The following VPS13C variants were observed in gnomAD, a reference collection of about 807,000 sequenced individuals.
The protein encoded by VPS13C is vacuolar protein sorting 13 homolog C, also known as intermembrane lipid transfer protein VPS13C.
VPS13C carries 358 observed loss-of-function variants against 456.8 expected under a neutral mutation model. That is an observed-to-expected ratio of 0.78 (90% CI 0.72 to 0.86). The LOEUF (loss-of-function observed/expected upper bound fraction) is 0.86. Among genes scored for constraint, VPS13C ranks in the 40% least tolerant of loss-of-function variants. VPS13C has a pLI of 0.00. For synonymous variants in VPS13C, 1,578 were observed against 1,486.7 expected (o/e 1.06, Z -1.41); for missense variants, 4,818 against 4,385.4 (o/e 1.10, Z -2.79).
chr15:62,053,279 A>G (rs774610942), intron 1 of VPS13C, among the ~76,000 whole-genome samples: 2 of 152,214 alleles, frequency 1.3e-5, no homozygotes, highest in Non-Finnish European at 1.5e-5. Context: ...AGATACTGAC[A>G]TCTTTTATGT....
At position 61,880,619 on chromosome 15, in the gene VPS13C, G is replaced by A. The variant is rs1450275158; in HGVS notation, c.9992C>T (p.Ser3331Phe). 2 of 1,565,950 alleles carry A rather than the reference G, an allele frequency of 1.3e-6. No individual in the cohort carries two copies. The highest frequency in any genetic ancestry group is 1.7e-6 in the Non-Finnish European group (2 of 1,156,502). Residue 3331 changes from serine to phenylalanine, a missense_variant, in exon 73 of 85, where the codon TCT (serine) becomes TTT (phenylalanine). Physicochemically the swap from Ser to Phe is radical, Grantham distance 155. This residue lies in a region of VPS13C where 4,552 missense variants were observed against 4,130.6 expected (regional missense o/e 1.10). Coordinates refer to ENST00000644861, the MANE Select transcript of VPS13C (RefSeq NM_020821.3). ...ATAATTACAACAAACCTTCACAGGA[G>A]AAATATGGAAATGTTCAAAGAAACT... is the stretch of plus-strand genomic sequence containing the variant. ...ILSFFEHFHI[S>F]PVKLHLSLSL...
chr15:61,891,640 T>G (rs2042654198), intron 66 of VPS13C, among the ~76,000 whole-genome samples: 1 of 152,222 alleles, frequency 6.6e-6, no homozygotes, highest in Admixed American at 6.5e-5. Context: ...TTCTAGCATT[T>G]TAAGTTTTAT....
intron 82 of VPS13C, among the ~76,000 whole-genome samples, chr15:61,857,870 C>T (rs1328664352): frequency 2.0e-5 from 3 of 152,204 alleles, no homozygotes; most frequent in Admixed American, 1.3e-4. Flanking sequence ...AAATAGATCC[C>T]TGGCATTATA....
chr15:61,975,113 C>A (rs368105943), intron 24 of VPS13C, among the ~76,000 whole-genome samples: 38 of 152,138 alleles, frequency 2.5e-4, no homozygotes, highest in African/African-American at 8.9e-4. Flanking sequence ...GGATGCCACA[C>A]TGGGGTACAG....
intron 50 of VPS13C, 58 bp from the exon 51 acceptor site, chr15:61,929,806 A>G: frequency 1.4e-6 from 2 of 1,471,766 alleles, no homozygotes; most frequent in Non-Finnish European, 1.8e-6. Context: ...AAAAAGATGA[A>G]GAATTTCCTA....
rs190018172 is a variant in VPS13C, at chr15:62,050,742, C to T, written c.101-6487G>A. Among the ~76,000 whole-genome samples, 3 of 148,100 alleles carry T rather than the reference C, an allele frequency of 2.0e-5. No individual in the cohort carries two copies. The East Asian group carries it at 6.0e-4, about 30-fold the overall frequency. On this transcript the variant is annotated intron_variant, in intron 1 of 84. Transcript: ENST00000644861. Reference sequence around the variant, plus strand: ...ACTCGAACCAGAAGGGCAGAGGTTGCAGTGAGCCAGGATCATGCCACTGCA... The same window carrying T: ...ACTCGAACCAGAAGGGCAGAGGTTGTAGTGAGCCAGGATCATGCCACTGCA...
At chr15:61,942,796 A>G (rs1037157009) in intron 45 of VPS13C, among the ~76,000 whole-genome samples, 1 of 152,114 alleles carries the variant, frequency 6.6e-6, no homozygotes, top group Non-Finnish European at 1.5e-5. Flanking sequence ...TGCTCTCTAG[A>G]AAAGTAAACA....
chr15:62,060,127 G>A (rs537121152), intron 1 of VPS13C, 148 bp downstream of exon 1: 22 of 409,254 alleles, frequency 5.4e-5, no homozygotes, highest in African/African-American at 4.8e-4. Flanking sequence ...TCCGCGGGCG[G>A]CAGAGGCTCC....
At chr15:61,949,407 CA>C in intron 42 of VPS13C, 35 bp downstream of exon 42, 1 of 1,588,940 alleles carries the variant, frequency 6.3e-7, no homozygotes, top group South Asian at 1.2e-5. Flanking sequence ...TATTAAAGTT[CA>C]AAGTATTATT....
chr15:61,920,046 A>T, intron 57 of VPS13C, 21 bp downstream of exon 57: 1 of 1,555,820 alleles, frequency 6.4e-7, no homozygotes, highest in Non-Finnish European at 8.7e-7. Context: ...GATACCCTTA[A>T]GGAAAACAAA....
rs527393111 is a variant in VPS13C at position 61,972,616 on chromosome 15, A to G, written c.2757+9T>C. 7.4e-5 allele frequency: 119 copies of G among 1,611,616 alleles called. No homozygotes were observed. In the Middle Eastern group the frequency reaches 1.5e-3, roughly 20 times the overall value. ...GAATATATCTATTTATAGACAAAAAAGCACATACTTCTTTAATTTCAAACT... is the reference window on the plus strand; with the variant it reads ...GAATATATCTATTTATAGACAAAAAGGCACATACTTCTTTAATTTCAAACT... On this transcript the variant is annotated intron_variant, in intron 27 of 84. Transcript: ENST00000644861.
intron 11 of VPS13C, 57 bp from the exon 12 acceptor site, chr15:62,012,221 G>GACACACACACACACACACAC: frequency 2.0e-6 from 1 of 510,384 alleles, no homozygotes; most frequent in Non-Finnish European, 3.6e-6. Context: ...TTCAGACTCA[G>GACACACACACACACACACAC]ACACACACAC....
rs761962987 is a variant in VPS13C, at chr15:61,991,028, C to G, written c.1550G>C (p.Ser517Thr). ...CTTAGGTAAAGTTAGGTTGTGGGTACTCTCACTATAACCAATGGCAGTGAA... is the reference window on the plus strand; with the variant it reads ...CTTAGGTAAAGTTAGGTTGTGGGTAGTCTCACTATAACCAATGGCAGTGAA... ...KLFTAIGYSE[S>T]THNLTLPKQY... The change falls in exon 18 of 85, where the codon AGT becomes ACT. Residue 517 changes from serine to threonine, a missense_variant. By Grantham distance (58) the Ser-to-Thr change is moderately conservative. Around this residue, in one of 3 missense-constraint regions of VPS13C, gnomAD observed 4,552 missense variants for 4,130.6 expected, o/e 1.10. Transcript: ENST00000644861. 33 of 1,612,702 alleles carry G rather than the reference C, an allele frequency of 2.0e-5. No homozygotes were observed. The highest frequency in any genetic ancestry group is 2.6e-5 in the Non-Finnish European group (31 of 1,179,424).
At chr15:61,881,889 G>C in intron 69 of VPS13C, 61 bp from the exon 70 acceptor site, 1 of 1,447,666 alleles carries the variant, frequency 6.9e-7, no homozygotes, top group Non-Finnish European at 9.3e-7. Context: ...TAGTTTCAAA[G>C]ATAATGTTAT....
At position 62,023,733 on chromosome 15, in the gene VPS13C, G is replaced by A. The variant is rs1438457832; in HGVS notation, c.514+47C>T. 19 of 1,480,826 alleles carry A rather than the reference G, an allele frequency of 1.3e-5. No homozygotes were observed. In the East Asian group the frequency reaches 4.3e-4, roughly 34 times the overall value. 91.7% of individuals were successfully genotyped at this position (1,480,826 alleles called of 1,614,324 possible). On this transcript the variant is annotated intron_variant, in intron 7 of 84. Transcript: ENST00000644861. ...TCACATTCCAAATCAGAAATAAAGT[G>A]GCAATGTGTATAAACAACACCATGG...
Position 61,989,941 on chromosome 15 carries a change from G to C in VPS13C, c.1578+1059C>G, listed in dbSNP as rs143182269. On this transcript the variant is annotated intron_variant, in intron 18 of 84. Transcript: ENST00000644861. The stretch of plus-strand genomic sequence containing the variant: ...GTTATCTTACACATCCACACTAAAA[G>C]ACACAAGTTCAGAGCAGCATTATTC... Among the ~76,000 whole-genome samples the C allele has an allele frequency of 5.5e-3, 834 of 152,170 alleles. 7 individuals carry two copies. Among genetic ancestry groups the C allele is most frequent in the Middle Eastern group, 0.01 (3 of 294 alleles).
chr15:61,918,158 G>A lies in VPS13C; in HGVS notation c.7738C>T (p.His2580Tyr). 1.3e-6 allele frequency: 2 copies of A among 1,596,076 alleles called. No homozygotes were observed. The highest frequency in any genetic ancestry group is 1.7e-6 in the Non-Finnish European group (2 of 1,174,248). The change falls in exon 59 of 85, where the codon CAT (histidine) becomes TAT (tyrosine). Residue 2580 changes from histidine (H) to tyrosine (Y), a missense_variant. By Grantham distance (83) the His-to-Tyr change is moderately conservative. This residue lies in a region of VPS13C where 4,552 missense variants were observed against 4,130.6 expected (regional missense o/e 1.10). Coordinates refer to ENST00000644861, the MANE Select transcript of VPS13C (RefSeq NM_020821.3). Reference sequence around the variant, plus strand: ...TACCTATATGAATCTAAAGGAACATGGAACTCCTCTTCAGGTCTGGCTATC... The same window carrying A: ...TACCTATATGAATCTAAAGGAACATAGAACTCCTCTTCAGGTCTGGCTATC... The part of the protein sequence containing the change: ...IGIARPEEEF[H>Y]VPLDSYRCQL...
chr15:61,884,954 G>T (rs183212315), intron 67 of VPS13C, among the ~76,000 whole-genome samples: 1 of 152,004 alleles, frequency 6.6e-6, no homozygotes, highest in Non-Finnish European at 1.5e-5. Context: ...TACATTACAG[G>T]TCAATCACTT....
At chr15:61,877,099 G>A (rs762702098) in intron 74 of VPS13C, 45 bp from the exon 75 acceptor site, 6 of 1,446,284 alleles carry the variant, frequency 4.1e-6, no homozygotes, top group Non-Finnish European at 5.6e-6. Flanking sequence ...AATATTATAT[G>A]ATAAAAAAAG....
Sources: allele counts gnomAD v4.1 joint callset (sites outside exome capture counted in the v4.1 genomes callset), GRCh38; gene constraint gnomAD v4.1.1; regional missense constraint gnomAD v4.1.1; transcripts MANE v1.5; gene names NCBI Gene and HGNC (gene_info 2026-07-23, HGNC 2026-07-21).